The following GMDS variants were observed in gnomAD, a reference collection of about 807,000 sequenced individuals.
GMDS encodes the protein GDP-mannose 4,6 dehydratase.
A neutral mutation model predicts 49.9 loss-of-function variants in GMDS; 20 were observed. That is an observed-to-expected ratio of 0.40 (90% CI 0.28 to 0.58). The LOEUF is 0.58. Ranked by LOEUF, GMDS falls within the 20% of genes least tolerant of loss-of-function variation. The probability of loss-of-function intolerance (pLI) is 0.42; values close to 1 mark genes in which losing one functional copy is unlikely to be tolerated. For missense variants in GMDS, 362 were observed against 481.4 expected (o/e 0.75, Z 2.32); for synonymous variants, 177 against 178.6 (o/e 0.99, Z 0.07).
rs370468418 is a variant in GMDS at position 2,004,100 on chromosome 6, G to A, written c.346-43134C>T. 3.2e-4 allele frequency among the ~76,000 whole-genome samples: 48 copies of A among 152,264 alleles called. 1 individual carries two copies. In the South Asian group the frequency reaches 5.8e-3, roughly 18 times the overall value. ...AAATAGTCAGAGATCAATGAAATAA[G>A]TCATCTGGACATATATCTCTACATT... On this transcript the variant is annotated intron_variant, in intron 4 of 10. Transcript: ENST00000380815.
At chr6:1,973,859 A>ACTCAC (rs1764751396) in intron 4 of GMDS, among the ~76,000 whole-genome samples, 1 of 152,200 alleles carries the variant, frequency 6.6e-6, no homozygotes, top group Non-Finnish European at 1.5e-5. Flanking sequence ...ACGCCACAAC[A>ACTCAC]TGGCCTGTGG....
chr6:1,969,027 C>T (rs916206379), intron 4 of GMDS, among the ~76,000 whole-genome samples: 16 of 151,502 alleles, frequency 1.1e-4, no homozygotes, highest in African/African-American at 3.4e-4. Flanking sequence ...TTTGGGAGGC[C>T]GAGGCGGGCG....
chr6:1,824,854 C>T (rs960082581), intron 7 of GMDS, among the ~76,000 whole-genome samples: 2 of 152,162 alleles, frequency 1.3e-5, no homozygotes, highest in African/African-American at 2.4e-5. Context: ...TCTCCTGTAT[C>T]CTCTGCTTTG....
intron 4 of GMDS, among the ~76,000 whole-genome samples, chr6:2,027,832 T>C (rs7765000): frequency 1.3e-5 from 2 of 152,160 alleles, no homozygotes; most frequent in Non-Finnish European, 2.9e-5. Flanking sequence ...AATTTGAACA[T>C]GTACAGTAGA....
chr6:2,003,591 C>T (rs191438747), intron 4 of GMDS, among the ~76,000 whole-genome samples: 16 of 152,304 alleles, frequency 1.1e-4, no homozygotes, highest in Admixed American at 2.0e-4. Flanking sequence ...CTTGCTACGA[C>T]TGAAGAGCTG....
intron 4 of GMDS, among the ~76,000 whole-genome samples, chr6:2,112,683 C>A (rs530300000): frequency 6.6e-6 from 1 of 152,180 alleles, no homozygotes; most frequent in Admixed American, 6.5e-5. Context: ...ACCCCTTGCA[C>A]GCTGGCCAAG....
intron 1 of GMDS, among the ~76,000 whole-genome samples, chr6:2,232,060 T>C (rs991558289): frequency 6.6e-6 from 1 of 152,056 alleles, no homozygotes; most frequent in Non-Finnish European, 1.5e-5. Flanking sequence ...AAAATGGAAA[T>C]GAGAAAAAGT....
intron 7 of GMDS, among the ~76,000 whole-genome samples, chr6:1,922,564 T>C (rs551602019): frequency 6.6e-6 from 1 of 152,200 alleles, no homozygotes; most frequent in East Asian, 1.9e-4. Context: ...TTCGGAATAA[T>C]GCCTTTTTGC....
chr6:1,675,778 G>A (rs769024144), intron 9 of GMDS, among the ~76,000 whole-genome samples: 5 of 151,718 alleles, frequency 3.3e-5, no homozygotes, highest in African/African-American at 9.7e-5. Context: ...GCGTGAACTC[G>A]GGAGGTGGAG....
rs571470997 is a variant in GMDS at position 1,970,107 on chromosome 6, G to A, written c.346-9141C>T. Among the ~76,000 whole-genome samples the A allele has an allele frequency of 7.9e-5, 12 of 152,266 alleles. No individual in the cohort carries two copies. In the South Asian group the frequency reaches 2.5e-3, roughly 32 times the overall value. ...GCCAAAGTTTCCTGACTACAAATGT[G>A]GTGTCGGAAAAAGAGATCTGTCTGC... On this transcript the variant is annotated intron_variant, in intron 4 of 10. Transcript: ENST00000380815.
intron 6 of GMDS, chr6:1,948,961 G>A (rs1763213205): frequency 2.9e-6 from 1 of 344,700 alleles, no homozygotes; most frequent in African/African-American, 2.2e-5. Context: ...ACCATCTTCT[G>A]TTGGCTGGCA....
intron 7 of GMDS, among the ~76,000 whole-genome samples, chr6:1,915,675 G>A (rs1269018775): frequency 6.6e-6 from 1 of 152,238 alleles, no homozygotes; most frequent in Non-Finnish European, 1.5e-5. Flanking sequence ...GCCAGCACAA[G>A]GGTCGGCCGA....
At chr6:2,222,441 T>C (rs1304673419) in intron 1 of GMDS, among the ~76,000 whole-genome samples, 1 of 152,188 alleles carries the variant, frequency 6.6e-6, no homozygotes, top group East Asian at 1.9e-4. Flanking sequence ...TCTCCATTCA[T>C]TCGGTGCCTC....
intron 7 of GMDS, among the ~76,000 whole-genome samples, chr6:1,903,354 T>C (rs1464864605): frequency 6.6e-6 from 1 of 152,262 alleles, no homozygotes; most frequent in Non-Finnish European, 1.5e-5. Flanking sequence ...TTGCTTTTCA[T>C]ATGAATTTCT....
intron 7 of GMDS, among the ~76,000 whole-genome samples, chr6:1,771,124 G>A (rs1768562373): frequency 1.3e-5 from 2 of 152,208 alleles, no homozygotes; most frequent in South Asian, 2.1e-4. Context: ...CCTCCCTGGT[G>A]TTAAAATATC....
intron 1 of GMDS, among the ~76,000 whole-genome samples, chr6:2,145,801 G>A (rs1776527781): frequency 6.6e-6 from 1 of 152,224 alleles, no homozygotes; most frequent in Admixed American, 6.5e-5. Flanking sequence ...GCTGAGACAA[G>A]AGGATGCCTT....
chr6:1,933,542 G>A (rs554574080), intron 6 of GMDS, among the ~76,000 whole-genome samples: 1 of 152,294 alleles, frequency 6.6e-6, no homozygotes, highest in South Asian at 2.1e-4. Context: ...GTTATGGTCT[G>A]TTAAACTGTA....
chr6:1,632,304 T>A (rs1763024110), intron 9 of GMDS, among the ~76,000 whole-genome samples: 1 of 152,170 alleles, frequency 6.6e-6, no homozygotes, highest in African/African-American at 2.4e-5. Flanking sequence ...AAATATCAAC[T>A]TAATGCTGGA....
chr6:1,915,981 G>GC (rs1761367010), intron 7 of GMDS, among the ~76,000 whole-genome samples: 1 of 152,300 alleles, frequency 6.6e-6, no homozygotes, highest in African/African-American at 2.4e-5. Flanking sequence ...TTGGGAGGTG[G>GC]CAACACCTTC....
Sources: allele counts gnomAD v4.1 joint callset (sites outside exome capture counted in the v4.1 genomes callset), GRCh38; gene constraint gnomAD v4.1.1; transcripts MANE v1.5; gene names NCBI Gene and HGNC (gene_info 2026-07-23, HGNC 2026-07-21).